The following EIF4ENIF1 variants were observed in gnomAD, a reference collection of about 807,000 sequenced individuals.
EIF4ENIF1 encodes eukaryotic translation initiation factor 4E transporter.
In EIF4ENIF1, 23 loss-of-function variants were observed where a neutral mutation model predicts 110.5. The ratio of observed to expected loss-of-function variants is 0.21; its 90% confidence interval spans 0.15 to 0.29. The LOEUF (loss-of-function observed/expected upper bound fraction) is 0.29, where lower values mean the gene tolerates loss of function less well. Ranked by LOEUF, EIF4ENIF1 falls within the 10% of genes least tolerant of loss-of-function variation. The pLI, the probability that EIF4ENIF1 is intolerant of heterozygous loss-of-function variation, is 1.00. For synonymous variants in EIF4ENIF1, 440 were observed against 437.0 expected (o/e 1.01, Z -0.09); for missense variants, 1,031 against 1,221.1 (o/e 0.84, Z 2.32).
intron 6 of EIF4ENIF1, among the ~76,000 whole-genome samples, chr22:31,462,535 T>C (rs1328948378): frequency 6.6e-6 from 1 of 151,954 alleles, no homozygotes; most frequent in Non-Finnish European, 1.5e-5. Context: ...AAACTTGCCA[T>C]TTCCTATACA....
chr22:31,486,851 C>T (rs185927180), intron 2 of EIF4ENIF1, among the ~76,000 whole-genome samples: 13 of 150,880 alleles, frequency 8.6e-5, no homozygotes, highest in Admixed American at 1.3e-4. Flanking sequence ...GAGGCCAAGG[C>T]GGGCAGATCA....
chr22:31,468,652 C>T (rs2051269748), intron 3 of EIF4ENIF1, among the ~76,000 whole-genome samples: 1 of 152,200 alleles, frequency 6.6e-6, no homozygotes, highest in Admixed American at 6.5e-5. Flanking sequence ...GCCTTGGCTT[C>T]CCAAAGTGCT....
At position 31,474,118 on chromosome 22, in the gene EIF4ENIF1, C is replaced by T. The variant is rs548434313; in HGVS notation, c.97-2201G>A. Among the ~76,000 whole-genome samples the T allele has an allele frequency of 5.3e-5, 8 of 151,644 alleles. No individual in the cohort carries two copies. The East Asian group carries it at 9.7e-4, about 18-fold the overall frequency. ...TATCGCCCAGGCTGGAGTGCACTGG[C>T]GCAATCTTGGCTCACTGCAACCCCT... is the stretch of plus-strand genomic sequence containing the variant. On this transcript the variant is annotated intron_variant, in intron 2 of 18. Coordinates refer to ENST00000330125, the MANE Select transcript of EIF4ENIF1 (RefSeq NM_019843.4).
intron 14 of EIF4ENIF1, 136 bp from the exon 15 acceptor site, chr22:31,444,826 G>T: frequency 1.3e-6 from 1 of 777,602 alleles, no homozygotes. Flanking sequence ...AAGCATTTAG[G>T]CCTAACATAC....
intron 16 of EIF4ENIF1, 86 bp downstream of exon 16, chr22:31,442,876 T>C (rs1325853016): frequency 1.3e-6 from 2 of 1,541,736 alleles, no homozygotes; most frequent in East Asian, 4.5e-5. Flanking sequence ...GGGCTTTGTA[T>C]AGAATATCAG....
chr22:31,458,361 G>T, intron 7 of EIF4ENIF1, 114 bp downstream of exon 7: 1 of 889,124 alleles, frequency 1.1e-6, no homozygotes. Context: ...AAATATGTAA[G>T]AATAAAAGCC....
At chr22:31,480,480 G>A (rs4820976) in intron 2 of EIF4ENIF1, among the ~76,000 whole-genome samples, 108,786 of 152,158 alleles carry the variant, frequency 0.71, 39,047 homozygotes, top group Middle Eastern at 0.76. Flanking sequence ...ATTCCTGGGC[G>A]GGCGTGGTGG....
At chr22:31,487,421 C>T (rs1354738666) in intron 2 of EIF4ENIF1, among the ~76,000 whole-genome samples, 2 of 152,144 alleles carry the variant, frequency 1.3e-5, no homozygotes, top group Non-Finnish European at 2.9e-5. Context: ...AAGAGTAGTG[C>T]ACCAGAACAC....
At chr22:31,479,667 T>A (rs1420508143) in intron 2 of EIF4ENIF1, among the ~76,000 whole-genome samples, 1 of 150,086 alleles carries the variant, frequency 6.7e-6, no homozygotes, top group Non-Finnish European at 1.5e-5. Context: ...AAGGATGTGA[T>A]ATTACCCTTT....
intron 2 of EIF4ENIF1, among the ~76,000 whole-genome samples, chr22:31,478,539 T>C (rs1466130494): frequency 1.9e-4 from 20 of 106,418 alleles, no homozygotes; most frequent in Non-Finnish European, 3.4e-4. Context: ...AAAAAAATGC[T>C]GAGTGCAGTG....
intron 2 of EIF4ENIF1, among the ~76,000 whole-genome samples, chr22:31,482,886 T>C (rs1211772158): frequency 6.6e-6 from 1 of 150,674 alleles, no homozygotes; most frequent in Non-Finnish European, 1.5e-5. Context: ...TAGCTGGGCA[T>C]GGAGGCACGC....
upstream of EIF4ENIF1, among the ~76,000 whole-genome samples, chr22:31,490,100 C>T (rs1410667071): frequency 6.6e-6 from 1 of 152,170 alleles, no homozygotes; most frequent in African/African-American, 2.4e-5. Flanking sequence ...CGCAGGCGGT[C>T]GCCGTGGGCA....
In EIF4ENIF1 at chr22:31,489,527, C is replaced by T. The variant is rs536558367; in HGVS notation, c.-28+167G>A. 3 of 149,970 alleles carry T rather than the reference C, an allele frequency of 2.0e-5. No homozygotes were observed. In the East Asian group the frequency reaches 5.9e-4, roughly 29 times the overall value. The allele number at this position is 149,970 out of a possible 1,614,324, so 9.3% of individuals were successfully genotyped here. On this transcript the variant is annotated intron_variant, in intron 1 of 18. Coordinates refer to ENST00000330125, the MANE Select transcript of EIF4ENIF1 (RefSeq NM_019843.4). ...CCCGCCAGCCAGCCCGCCGGCTACC[C>T]GCCGGCCGCCTTGCGGGCCTCGCGC...
At chr22:31,447,621 C>T (rs761135203) in intron 13 of EIF4ENIF1, 56 bp from the exon 14 acceptor site, 3 of 1,530,856 alleles carry the variant, frequency 2.0e-6, no homozygotes, top group Non-Finnish European at 2.6e-6. Flanking sequence ...ACACTTTCTA[C>T]AAAGGTTTCT....
At chr22:31,486,202 G>A (rs189489808) in intron 2 of EIF4ENIF1, among the ~76,000 whole-genome samples, 267 of 151,028 alleles carry the variant, frequency 1.8e-3, no homozygotes, top group Admixed American at 2.7e-3. Context: ...CCCCGGAGGC[G>A]GAGACTGCAG....
chr22:31,443,794 T>G, intron 15 of EIF4ENIF1, among the ~76,000 whole-genome samples: 1 of 148,166 alleles, frequency 6.7e-6, no homozygotes. Flanking sequence ...TAAAGATTTG[T>G]GGGGAATGAA....
upstream of EIF4ENIF1, among the ~76,000 whole-genome samples, chr22:31,492,676 AT>A (rs1161496507): frequency 3.9e-5 from 6 of 152,192 alleles, no homozygotes; most frequent in African/African-American, 1.4e-4. Context: ...CAAATTGCAA[AT>A]TCTTGTTTCA....
At chr22:31,474,720 C>T (rs1183016345) in intron 2 of EIF4ENIF1, among the ~76,000 whole-genome samples, 1 of 152,126 alleles carries the variant, frequency 6.6e-6, no homozygotes, top group African/African-American at 2.4e-5. Flanking sequence ...CACATGCACA[C>T]TAACACACAT....
intron 13 of EIF4ENIF1, 63 bp from the exon 14 acceptor site, chr22:31,447,628 TTC>T: frequency 2.0e-6 from 3 of 1,518,430 alleles, no homozygotes; most frequent in Non-Finnish European, 2.7e-6. Flanking sequence ...CTACAAAGGT[TTC>T]TCTTCACTCT....
Sources: gnomAD v4.1 joint callset for allele counts (sites outside exome capture counted in the v4.1 genomes callset) on GRCh38, gnomAD v4.1.1 for gene constraint, MANE v1.5 for transcripts, NCBI Gene and HGNC (gene_info 2026-07-23, HGNC 2026-07-21) for gene names.